The following RASSF3 variants were observed in gnomAD, a reference collection of about 807,000 sequenced individuals.
RASSF3 encodes ras association domain-containing protein 3.
Under a neutral mutation model 19.9 loss-of-function variants are expected in RASSF3, and 19 were observed. That is an observed-to-expected ratio of 0.96 (90% CI 0.67 to 1.40). The LOEUF (loss-of-function observed/expected upper bound fraction) is 1.40. Among genes scored for constraint, RASSF3 ranks in the 40% most tolerant of loss-of-function variants. The probability of loss-of-function intolerance (pLI) is 0.00; values close to 1 mark genes in which losing one functional copy is unlikely to be tolerated. For missense variants in RASSF3, 306 were observed against 289.8 expected (o/e 1.06, Z -0.41); for synonymous variants, 110 against 104.2 (o/e 1.06, Z -0.34).
chr12:64,544,418 G>A (rs1017763548), downstream of RASSF3, among the ~76,000 whole-genome samples: 7 of 152,242 alleles, frequency 4.6e-5, no homozygotes, highest in South Asian at 2.1e-4. Flanking sequence ...AATACTCACC[G>A]GGAGGGTCCG....
chr12:64,613,420 A>G (rs1339783159), intron 1 of RASSF3, among the ~76,000 whole-genome samples: 2 of 152,002 alleles, frequency 1.3e-5, no homozygotes. Context: ...TTTCTTGAAA[A>G]TATCCGGAGA....
intron 2 of RASSF3, among the ~76,000 whole-genome samples, chr12:64,604,799 A>G (rs1870158608): frequency 6.7e-6 from 1 of 148,420 alleles, no homozygotes; most frequent in Non-Finnish European, 1.5e-5. Flanking sequence ...CACCGTGCCC[A>G]GCTAATTTTT....
At chr12:64,611,155 GC>G (rs1394007167) in intron 1 of RASSF3, among the ~76,000 whole-genome samples, 1 of 152,194 alleles carries the variant, frequency 6.6e-6, no homozygotes, top group Admixed American at 6.5e-5. Flanking sequence ...CTCATCTGTG[GC>G]CCCCAGAGTG....
At chr12:64,560,075 G>T (rs1198855784) in intron 2 of RASSF3, among the ~76,000 whole-genome samples, 1 of 152,186 alleles carries the variant, frequency 6.6e-6, no homozygotes, top group Non-Finnish European at 1.5e-5. Flanking sequence ...GAAAGTGGTA[G>T]TTCTTACTAT....
intron 1 of RASSF3, among the ~76,000 whole-genome samples, chr12:64,522,064 C>T (rs920951416): frequency 6.6e-6 from 1 of 152,140 alleles, no homozygotes. Flanking sequence ...TCTTTAGGCA[C>T]GGTAAACTTT....
intron 1 of RASSF3, among the ~76,000 whole-genome samples, chr12:64,618,706 G>T (rs980806308): frequency 6.6e-6 from 1 of 152,100 alleles, no homozygotes; most frequent in Non-Finnish European, 1.5e-5. Context: ...CATAAAAAAT[G>T]ATGAGTATTT....
In RASSF3 at chr12:64,541,618, G is replaced by GT. The variant is rs950381667; in HGVS notation, c.105_106insT (p.Val36CysfsTer19). On this transcript the variant is annotated frameshift_variant, in exon 2 of 2. Transcript: ENST00000636333. LOFTEE classifies it low-confidence loss of function (END_TRUNC). ...TATGTCATGCTCACTGCCGAGACCT[G>GT]GTACATCTGGATTATCCACAAAATG... 1.8e-4 allele frequency: 73 copies of GT among 398,516 alleles called. No individual in the cohort carries two copies. The highest frequency in any genetic ancestry group is 1.3e-3 in the African/African-American group (61 of 48,728). 24.7% of individuals were successfully genotyped at this position (398,516 alleles called of 1,614,324 possible).
intron 1 of RASSF3, chr12:64,622,465 G>C (rs370275996): frequency 5.7e-5 from 30 of 530,938 alleles, no homozygotes; most frequent in Middle Eastern, 6.6e-4. Context: ...TTACTTATAG[G>C]CTTACTGTCT....
chr12:64,614,869 T>G (rs1232336310), intron 1 of RASSF3, among the ~76,000 whole-genome samples: 1 of 151,828 alleles, frequency 6.6e-6, no homozygotes, highest in Non-Finnish European at 1.5e-5. Context: ...GGCTTTTTTT[T>G]TTGTATTTTA....
chr12:64,575,967 A>G (rs1869589248), intron 2 of RASSF3, among the ~76,000 whole-genome samples: 1 of 148,112 alleles, frequency 6.8e-6, no homozygotes, highest in Non-Finnish European at 1.5e-5. Context: ...TCGGCTCACC[A>G]CAACCTCCCC....
At chr12:64,622,471 T>C (rs184257160) in intron 1 of RASSF3, 75 of 531,288 alleles carry the variant, frequency 1.4e-4, no homozygotes, top group African/African-American at 1.1e-3. Context: ...ATAGGCTTAC[T>C]GTCTTTTGTT....
At chr12:64,639,724 G>C (rs1329157389) in intron 1 of RASSF3, among the ~76,000 whole-genome samples, 1 of 152,108 alleles carries the variant, frequency 6.6e-6, no homozygotes, top group Non-Finnish European at 1.5e-5. Context: ...GATAATATTG[G>C]TTCCTTCATA....
chr12:64,570,452 G>C (rs912206684), intron 2 of RASSF3, among the ~76,000 whole-genome samples: 3 of 152,072 alleles, frequency 2.0e-5, no homozygotes, highest in African/African-American at 7.2e-5. Flanking sequence ...ACCAACACTT[G>C]ACCTCATTTC....
At chr12:64,547,270 TAAAA>T (rs79967837) in intron 2 of RASSF3, among the ~76,000 whole-genome samples, 2 of 127,490 alleles carry the variant, frequency 1.6e-5, no homozygotes, top group African/African-American at 3.1e-5. Flanking sequence ...AGACTTGATC[TAAAA>T]AAAAAAAAAA....
At position 64,641,456 on chromosome 12, in the gene RASSF3, C is replaced by T. The variant is rs536396794; in HGVS notation, c.111+30713C>T. Among the ~76,000 whole-genome samples, 103 of 130,558 alleles carry T rather than the reference C, an allele frequency of 7.9e-4. 1 individual carries two copies. Among genetic ancestry groups the T allele is most frequent in the African/African-American group, 1.2e-3 (38 of 30,718 alleles). The allele number at this position is 130,558 out of a possible 152,430, so 85.7% of individuals were successfully genotyped here. A position where few individuals can be genotyped will look rare whatever the true frequency, so the allele number is the denominator to read the frequency against. On this transcript the variant is annotated intron_variant, in intron 1 of 4. Coordinates refer to ENST00000542104, the MANE Select transcript of RASSF3 (RefSeq NM_178169.4). ...GAAAACAAATGAGAAACCCTATGGA[C>T]GTGGGGGACTAGACCTGTACAGTTG...
intron 2 of RASSF3, among the ~76,000 whole-genome samples, chr12:64,581,775 CA>C (rs1869704457): frequency 7.2e-6 from 1 of 139,386 alleles, no homozygotes; most frequent in Non-Finnish European, 1.5e-5. Context: ...GAAAACCTTT[CA>C]AAAGAGATTG....
chr12:64,679,075 C>T lies in RASSF3; in HGVS notation c.112-5712C>T, dbSNP rs576703687. Among the ~76,000 whole-genome samples the T allele has an allele frequency of 1.6e-4, 25 of 152,136 alleles. No individual in the cohort carries two copies. In the South Asian group the frequency reaches 4.4e-3, roughly 26 times the overall value. On this transcript the variant is annotated intron_variant, in intron 1 of 4. Coordinates refer to ENST00000542104, the MANE Select transcript of RASSF3 (RefSeq NM_178169.4). ...TTGAACAGTCACTCGTTTTTTGAAG[C>T]GGGGGTGGGGACAGAGTTGCTGTGT...
At chr12:64,552,166 T>C (rs994140244) in intron 2 of RASSF3, among the ~76,000 whole-genome samples, 8 of 151,978 alleles carry the variant, frequency 5.3e-5, no homozygotes, top group African/African-American at 1.9e-4. Context: ...AAAATTTACT[T>C]TGGGGAGCCA....
intron 2 of RASSF3, among the ~76,000 whole-genome samples, chr12:64,581,593 C>T (rs1413385969): frequency 6.6e-6 from 1 of 151,986 alleles, no homozygotes; most frequent in African/African-American, 2.4e-5. Context: ...GTGGTGTATG[C>T]CTGCGGTTCC....
Sources: allele counts gnomAD v4.1 joint callset (sites outside exome capture counted in the v4.1 genomes callset), GRCh38; gene constraint gnomAD v4.1.1; transcripts MANE v1.5; gene names NCBI Gene and HGNC (gene_info 2026-07-23, HGNC 2026-07-21).